TP63: variants seen among roughly 807,000 people sequenced by gnomAD.
TP63 encodes tumor protein 63.
TP63 carries 17 observed loss-of-function variants against 82.8 expected under a neutral mutation model. The observed-to-expected ratio is 0.21, with a 90% CI of 0.14 to 0.31. TP63 has a LOEUF of 0.31. Ranked by LOEUF, TP63 falls within the 10% of genes least tolerant of loss-of-function variation. TP63 has a pLI of 1.00. For synonymous variants in TP63, 330 were observed against 321.7 expected (o/e 1.03, Z -0.28); for missense variants, 648 against 895.3 (o/e 0.72, Z 3.52).
intron 1 of TP63, among the ~76,000 whole-genome samples, chr3:189,736,810 C>T (rs565098897): frequency 2.1e-4 from 32 of 152,002 alleles, no homozygotes; most frequent in Non-Finnish European, 4.0e-4. Context: ...TATCCTCATA[C>T]AGTATTTTTC....
intron 3 of TP63, among the ~76,000 whole-genome samples, chr3:189,752,157 A>C (rs74286996): frequency 0.13 from 19,956 of 151,844 alleles, 1,421 homozygotes; most frequent in East Asian, 0.27. Context: ...TATTGGGAAT[A>C]TTTTTTATTT....
At chr3:189,873,051 A>G in intron 10 of TP63, 56 bp downstream of exon 10, 1 of 1,612,508 alleles carries the variant, frequency 6.2e-7, no homozygotes, top group Non-Finnish European at 8.5e-7. Context: ...CTTTATTTGG[A>G]TCAGCAATAG....
intron 1 of TP63, among the ~76,000 whole-genome samples, chr3:189,730,436 A>T (rs1267635106): frequency 6.6e-6 from 1 of 152,226 alleles, no homozygotes; most frequent in Non-Finnish European, 1.5e-5. Context: ...AGAAAAAAGA[A>T]ATATTCCTCT....
rs151051217 is a variant in TP63, at chr3:189,737,854, G to A, written c.177G>A (p.Trp59Ter). The change falls in exon 2 of 14, where the codon TGG (tryptophan) becomes TGA (stop). Residue 59 changes from tryptophan to a stop codon, truncating the protein, a stop_gained. Transcript: ENST00000264731. LOFTEE classifies it high-confidence loss of function. ...FLSPEVFQHI[W>*]DFLEQPICSV... Reference sequence around the variant, plus strand: ...GTCCAGAGGTTTTCCAGCATATCTGGGATTTTCTGGAACAGTAAGTATAAA... The same window carrying A: ...GTCCAGAGGTTTTCCAGCATATCTGAGATTTTCTGGAACAGTAAGTATAAA... The A allele has an allele frequency of 6.2e-7, 1 of 1,613,840 alleles. No individual in the cohort carries two copies. The highest frequency in any genetic ancestry group is 8.5e-7 in the Non-Finnish European group (1 of 1,179,826).
At position 189,780,887 on chromosome 3, in the gene TP63, G is replaced by A. The variant is rs560476341; in HGVS notation, c.325-27385G>A. Among the ~76,000 whole-genome samples the A allele has an allele frequency of 4.5e-4, 68 of 152,186 alleles. 1 individual carries two copies. Among genetic ancestry groups the A allele is most frequent in the Non-Finnish European group, 7.5e-4 (51 of 68,016 alleles). On this transcript the variant is annotated intron_variant, in intron 3 of 13. Transcript: ENST00000264731. ...TAAGGTTTCAGTCTGTGTGTTTTCC[G>A]GATCATGTTGATTCTCTTCTTCTTC...
intron 3 of TP63, among the ~76,000 whole-genome samples, chr3:189,768,257 G>A (rs1723093147): frequency 6.6e-6 from 1 of 152,064 alleles, no homozygotes; most frequent in African/African-American, 2.4e-5. Flanking sequence ...TTCAATAAAC[G>A]TGGGCTTTTC....
At position 189,808,498 on chromosome 3, in the gene TP63, C is replaced by T; in HGVS notation, c.551C>T (p.Ser184Leu). 1 of 1,614,184 alleles carries T rather than the reference C, an allele frequency of 6.2e-7. No homozygotes were observed. The highest frequency in any genetic ancestry group is 8.5e-7 in the Non-Finnish European group (1 of 1,180,046). The change falls in exon 4 of 14, where the codon TCG (serine) becomes TTG (leucine). Residue 184 changes from serine to leucine, a missense_variant. Ser to Leu is a moderately radical substitution (Grantham distance 145, BLOSUM62 -2). Coordinates refer to ENST00000264731, the MANE Select transcript of TP63 (RefSeq NM_003722.5). ...PHSFDVSFQQSSTAKSATWTY... is the reference protein window; with the variant it reads ...PHSFDVSFQQLSTAKSATWTY... ...AGTTTCGACGTGTCCTTCCAGCAGTCGAGCACCGCCAAGTCGGCCACCTGG... is the reference window on the plus strand; with the variant it reads ...AGTTTCGACGTGTCCTTCCAGCAGTTGAGCACCGCCAAGTCGGCCACCTGG...
intron 1 of TP63, among the ~76,000 whole-genome samples, chr3:189,712,978 T>C (rs140058326): frequency 4.6e-4 from 70 of 152,086 alleles, no homozygotes; most frequent in African/African-American, 1.7e-3. Flanking sequence ...GACTTAGGGG[T>C]GCTGGGAAAT....
In TP63 at chr3:189,830,770, A is replaced by G. The variant is rs538586612; in HGVS notation, c.579+22244A>G. On this transcript the variant is annotated intron_variant, in intron 4 of 13. Transcript: ENST00000264731. ...AAATTAATATGTGACGCAAGAAAAAATAAAGATACTATTAAATTTCTTTGG... is the reference window on the plus strand; with the variant it reads ...AAATTAATATGTGACGCAAGAAAAAGTAAAGATACTATTAAATTTCTTTGG... Among the ~76,000 whole-genome samples the G allele has an allele frequency of 3.3e-5, 5 of 152,302 alleles. No individual in the cohort carries two copies. In the East Asian group the frequency reaches 9.6e-4, roughly 29 times the overall value.
intron 1 of TP63, among the ~76,000 whole-genome samples, chr3:189,667,632 T>C (rs1165534245): frequency 6.6e-6 from 1 of 152,026 alleles, no homozygotes; most frequent in Non-Finnish European, 1.5e-5. Flanking sequence ...GCAAAGCAAA[T>C]AAGTACTAAA....
At chr3:189,659,347 G>A (rs914142396) in intron 1 of TP63, among the ~76,000 whole-genome samples, 1 of 151,982 alleles carries the variant, frequency 6.6e-6, no homozygotes, top group Non-Finnish European at 1.5e-5. Flanking sequence ...TTAGGATAAT[G>A]GCCTCCAGCT....
intron 3 of TP63, among the ~76,000 whole-genome samples, chr3:189,802,113 C>T (rs989431735): frequency 3.3e-5 from 5 of 152,054 alleles, no homozygotes; most frequent in East Asian, 1.9e-4. Context: ...TGGCAGAAGA[C>T]GAAAAAATGA....
upstream of TP63, among the ~76,000 whole-genome samples, chr3:189,628,207 A>C (rs1729362558): frequency 2.6e-5 from 4 of 152,110 alleles, no homozygotes; most frequent in South Asian, 8.3e-4. Flanking sequence ...TTTTATGTGG[A>C]AAAAAGAGGG....
the TP63 span, among the ~76,000 whole-genome samples, chr3:189,618,956 G>C: frequency 3.3e-5 from 5 of 152,120 alleles, no homozygotes; most frequent in East Asian, 7.7e-4. Context: ...CCTATGCACG[G>C]TGGTTCTTAA....
At chr3:189,635,718 A>G (rs1729735050) in intron 1 of TP63, among the ~76,000 whole-genome samples, 2 of 152,044 alleles carry the variant, frequency 1.3e-5, no homozygotes, top group Admixed American at 1.3e-4. Context: ...TGCTAATTCT[A>G]GGGATCCACA....
the TP63 span, among the ~76,000 whole-genome samples, chr3:189,597,484 T>C: frequency 2.0e-5 from 3 of 152,210 alleles, no homozygotes; most frequent in Admixed American, 1.3e-4. Flanking sequence ...ATCTCAAAGA[T>C]GTTTTGTCCA....
intron 1 of TP63, among the ~76,000 whole-genome samples, chr3:189,687,811 T>C (rs1577242294): frequency 6.6e-6 from 1 of 152,164 alleles, no homozygotes; most frequent in East Asian, 1.9e-4. Context: ...AGAAATAATG[T>C]CTTATTTACA....
At position 189,896,652 on chromosome 3, in the gene TP63, A is replaced by G. The variant is rs181958566; in HGVS notation, c.*2150A>G. ...CTTACTTTGCTGAGGGTTTGAATAA[A>G]CCTAGGACTTCCGAGCTATGTCAGT... On this transcript the variant is annotated 3_prime_UTR_variant, in exon 14 of 14. Coordinates refer to ENST00000264731, the MANE Select transcript of TP63 (RefSeq NM_003722.5). 9.7e-6 allele frequency: 2 copies of G among 206,522 alleles called. No homozygotes were observed. Among genetic ancestry groups the G allele is most frequent in the African/African-American group, 4.5e-5 (2 of 44,008 alleles). 12.8% of individuals were successfully genotyped at this position (206,522 alleles called of 1,614,324 possible). A position where few individuals can be genotyped will look rare whatever the true frequency, so the allele number is the denominator to read the frequency against.
In TP63 at chr3:189,894,989, G is replaced by A. The variant is rs560974552; in HGVS notation, c.*487G>A. The A allele has an allele frequency of 7.6e-4, 167 of 220,750 alleles. No individual in the cohort carries two copies. Among genetic ancestry groups the A allele is most frequent in the African/African-American group, 3.0e-3 (132 of 44,486 alleles). The allele number at this position is 220,750 out of a possible 1,614,324, so 13.7% of individuals were successfully genotyped here. ...GGCTTGTCTATACTCCTTCCCTTAA[G>A]GGGTATCATGTATGGTGATAGGTAT... On this transcript the variant is annotated 3_prime_UTR_variant, in exon 14 of 14. Coordinates refer to ENST00000264731, the MANE Select transcript of TP63 (RefSeq NM_003722.5).
Sources: gnomAD v4.1 joint callset for allele counts (sites outside exome capture counted in the v4.1 genomes callset) on GRCh38, gnomAD v4.1.1 for gene constraint, MANE v1.5 for transcripts, NCBI Gene and HGNC (gene_info 2026-07-23, HGNC 2026-07-21) for gene names.